Variants in NYAP2 observed in about 807,000 individuals in gnomAD.
NYAP2 encodes neuronal tyrosine-phosphorylated phosphoinositide-3-kinase adapter 2.
Under a neutral mutation model 50.4 loss-of-function variants are expected in NYAP2, and 23 were observed. That is an observed-to-expected ratio of 0.46 (90% CI 0.33 to 0.65). The LOEUF (loss-of-function observed/expected upper bound fraction) is 0.65. Ranked by LOEUF, NYAP2 falls within the 30% of genes least tolerant of loss-of-function variation. The pLI is 0.02. For missense variants in NYAP2, 885 were observed against 861.0 expected (o/e 1.03, Z -0.35); for synonymous variants, 394 against 365.2 (o/e 1.08, Z -0.90).
chr2:225,479,397 T>A (rs908910578), intron 3 of NYAP2, among the ~76,000 whole-genome samples: 12 of 152,158 alleles, frequency 7.9e-5, no homozygotes, highest in Non-Finnish European at 1.8e-4. Context: ...ATCTACTTAT[T>A]AAGTGAATCT....
chr2:225,616,227 A>G (rs1692987395), intron 5 of NYAP2, among the ~76,000 whole-genome samples: 2 of 152,162 alleles, frequency 1.3e-5, no homozygotes, highest in Non-Finnish European at 2.9e-5. Flanking sequence ...CTTTCTCTCT[A>G]TATATTTGAA....
chr2:225,621,046 G>A (rs930666152), intron 5 of NYAP2, among the ~76,000 whole-genome samples: 23 of 151,498 alleles, frequency 1.5e-4, no homozygotes, highest in African/African-American at 2.2e-4. Context: ...CCCGGGAGGC[G>A]GAGCTTGCGG....
At chr2:225,544,592 A>G (rs137983652) in intron 4 of NYAP2, among the ~76,000 whole-genome samples, 28 of 152,126 alleles carry the variant, frequency 1.8e-4, no homozygotes, top group Non-Finnish European at 3.5e-4. Context: ...TTCGTCTCCT[A>G]TTTTTTAACA....
At chr2:225,586,906 G>T (rs1006696597) in intron 5 of NYAP2, among the ~76,000 whole-genome samples, 1 of 152,306 alleles carries the variant, frequency 6.6e-6, no homozygotes, top group South Asian at 2.1e-4. Flanking sequence ...GATTTATAAA[G>T]AAAAGTTTAA....
chr2:225,703,111 A>G, the NYAP2 span: 2 of 151,784 alleles, frequency 1.3e-5, no homozygotes, highest in East Asian at 1.9e-4. Context: ...ATCTTGCACT[A>G]AAAATGTGTT....
intron 3 of NYAP2, among the ~76,000 whole-genome samples, chr2:225,492,680 G>A (rs998953192): frequency 3.9e-5 from 6 of 152,150 alleles, no homozygotes; most frequent in Non-Finnish European, 8.8e-5. Context: ...AGAGGCCTCA[G>A]GAAGTGTTTA....
At chr2:225,402,573 C>T (rs752747739) in intron 2 of NYAP2, among the ~76,000 whole-genome samples, 1 of 151,996 alleles carries the variant, frequency 6.6e-6, no homozygotes, top group Non-Finnish European at 1.5e-5. Flanking sequence ...ATTCATGATG[C>T]TACTGCATTA....
chr2:225,406,463 A>C (rs925612174), intron 2 of NYAP2, among the ~76,000 whole-genome samples: 13 of 152,098 alleles, frequency 8.5e-5, no homozygotes, highest in African/African-American at 3.1e-4. Flanking sequence ...AAGTATTGCA[A>C]TTATTTATTT....
chr2:225,546,792 A>C (rs565394672), intron 4 of NYAP2, among the ~76,000 whole-genome samples: 5 of 152,096 alleles, frequency 3.3e-5, no homozygotes, highest in Non-Finnish European at 7.4e-5. Flanking sequence ...CTGTGAATGT[A>C]CTGGGTTCCA....
At chr2:225,408,926 T>C in exon 3 of NYAP2, 1 of 1,611,778 alleles carries the variant, frequency 6.2e-7, no homozygotes, top group Non-Finnish European at 8.5e-7. Flanking sequence ...GGAAGACCCT[T>C]TGGACACATT....
chr2:225,622,189 T>C (rs932549555), intron 5 of NYAP2, among the ~76,000 whole-genome samples: 15 of 152,138 alleles, frequency 9.9e-5, no homozygotes, highest in African/African-American at 3.6e-4. Context: ...TGCACCACCA[T>C]GCCCAGCTAA....
intron 3 of NYAP2, among the ~76,000 whole-genome samples, chr2:225,494,346 T>C (rs1365441350): frequency 6.6e-6 from 1 of 152,182 alleles, no homozygotes; most frequent in Admixed American, 6.5e-5. Flanking sequence ...ATGGGAAGTA[T>C]TACTTTGCTT....
intron 6 of NYAP2, among the ~76,000 whole-genome samples, chr2:225,650,516 G>C (rs1005082131): frequency 2.0e-5 from 3 of 152,156 alleles, no homozygotes; most frequent in Non-Finnish European, 4.4e-5. Flanking sequence ...AGAACCTTAG[G>C]TTTCTAATTT....
intron 3 of NYAP2, among the ~76,000 whole-genome samples, chr2:225,504,770 G>A (rs1259249567): frequency 6.6e-6 from 1 of 152,072 alleles, no homozygotes; most frequent in African/African-American, 2.4e-5. Flanking sequence ...AGCACTTTGG[G>A]AAGCTGAGGC....
chr2:225,534,924 C>A (rs1465385181), intron 4 of NYAP2, among the ~76,000 whole-genome samples: 2 of 152,220 alleles, frequency 1.3e-5, no homozygotes, highest in Non-Finnish European at 2.9e-5. Context: ...GAGCCAGAGA[C>A]ACTGCTATGG....
intron 4 of NYAP2, among the ~76,000 whole-genome samples, chr2:225,521,942 C>T (rs1432892275): frequency 6.6e-6 from 1 of 152,108 alleles, no homozygotes; most frequent in East Asian, 1.9e-4. Flanking sequence ...ATTATTGCCA[C>T]AATTTCAGAG....
intron 4 of NYAP2, among the ~76,000 whole-genome samples, chr2:225,517,321 A>C (rs796405681): frequency 3.3e-5 from 5 of 152,284 alleles, no homozygotes; most frequent in African/African-American, 1.2e-4. Flanking sequence ...GGTTAAGTAG[A>C]AAGAGTGAGA....
intron 5 of NYAP2, among the ~76,000 whole-genome samples, chr2:225,605,616 G>A (rs1049318996): frequency 7.2e-5 from 11 of 151,946 alleles, no homozygotes; most frequent in Non-Finnish European, 8.8e-5. Context: ...AGATTTGGCA[G>A]CCAAGTTTTT....
intron 4 of NYAP2, among the ~76,000 whole-genome samples, chr2:225,521,670 G>T (rs1422458773): frequency 1.3e-5 from 2 of 151,528 alleles, no homozygotes; most frequent in Non-Finnish European, 1.5e-5. Flanking sequence ...GCTGGATTCG[G>T]TTTGCCAGTA....
Sources: gnomAD v4.1 joint callset for allele counts (sites outside exome capture counted in the v4.1 genomes callset) on GRCh38, gnomAD v4.1.1 for gene constraint, MANE v1.5 for transcripts, NCBI Gene and HGNC (gene_info 2026-07-23, HGNC 2026-07-21) for gene names.